PTPN9: variants seen among roughly 807,000 people sequenced by gnomAD.
The protein encoded by PTPN9 is protein tyrosine phosphatase non-receptor type 9, also known as tyrosine-protein phosphatase non-receptor type 9.
PTPN9 carries 26 observed loss-of-function variants against 69.8 expected under a neutral mutation model. That is an observed-to-expected ratio of 0.37 (90% CI 0.27 to 0.52). The LOEUF (loss-of-function observed/expected upper bound fraction) is 0.52, where lower values mean the gene tolerates loss of function less well. PTPN9 is among the 20% of genes least tolerant of loss of function. The pLI, the probability that PTPN9 is intolerant of heterozygous loss-of-function variation, is 0.91. For missense variants in PTPN9, 549 were observed against 740.3 expected (o/e 0.74, Z 3.00); for synonymous variants, 274 against 272.5 (o/e 1.01, Z -0.05).
chr15:75,478,515 C>G (rs375544235), intron 9 of PTPN9, among the ~76,000 whole-genome samples: 1 of 152,194 alleles, frequency 6.6e-6, no homozygotes, highest in African/African-American at 2.4e-5. Context: ...AAGTGATACT[C>G]CCCCCTCAGC....
At chr15:75,505,633 C>G in intron 7 of PTPN9, 42 bp downstream of exon 7, 1 of 1,498,546 alleles carries the variant, frequency 6.7e-7, no homozygotes, top group Non-Finnish European at 9.2e-7. Context: ...CTACCAGAAG[C>G]ATCCTGGTAA....
chr15:75,553,527 C>G (rs2141336312), intron 1 of PTPN9, among the ~76,000 whole-genome samples: 1 of 152,242 alleles, frequency 6.6e-6, no homozygotes, highest in South Asian at 2.1e-4. Context: ...TATATTCCCT[C>G]CACTCCATCC....
At chr15:75,504,878 A>C in intron 7 of PTPN9, among the ~76,000 whole-genome samples, 1 of 151,020 alleles carries the variant, frequency 6.6e-6, no homozygotes, top group African/African-American at 2.5e-5. Context: ...CCCGTCCGGG[A>C]GGTGAGGGGC....
intron 9 of PTPN9, among the ~76,000 whole-genome samples, chr15:75,477,150 T>TA (rs1387229474): frequency 6.6e-6 from 1 of 152,218 alleles, no homozygotes; most frequent in African/African-American, 2.4e-5. Context: ...TTCTGCCACT[T>TA]ACTAGCTGCA....
At chr15:75,541,875 TA>T (rs2075010183) in intron 1 of PTPN9, among the ~76,000 whole-genome samples, 2 of 151,180 alleles carry the variant, frequency 1.3e-5, no homozygotes. Flanking sequence ...CCGTCTCTGC[TA>T]AAAATACAAA....
At chr15:75,499,915 T>A (rs1230560942) in intron 7 of PTPN9, among the ~76,000 whole-genome samples, 1 of 152,090 alleles carries the variant, frequency 6.6e-6, no homozygotes, top group Non-Finnish European at 1.5e-5. Flanking sequence ...TAGTGGCTCA[T>A]GCCTGTAATC....
intron 1 of PTPN9, among the ~76,000 whole-genome samples, chr15:75,534,073 C>A (rs965384618): frequency 4.6e-5 from 7 of 152,146 alleles, no homozygotes; most frequent in Admixed American, 3.9e-4. Context: ...TTATAAAGAA[C>A]CAATCCATCT....
intron 1 of PTPN9, among the ~76,000 whole-genome samples, chr15:75,553,886 T>C (rs1271229374): frequency 6.6e-6 from 1 of 152,130 alleles, no homozygotes; most frequent in Non-Finnish European, 1.5e-5. Flanking sequence ...TCTTCCTGAA[T>C]GTCTCCTTGA....
intron 5 of PTPN9, among the ~76,000 whole-genome samples, chr15:75,510,037 C>T (rs957078467): frequency 1.8e-4 from 27 of 152,154 alleles, no homozygotes; most frequent in Non-Finnish European, 3.2e-4. Flanking sequence ...ATTTCTCTTT[C>T]ATAACTTTTC....
At chr15:75,530,633 T>C (rs2074954186) in intron 1 of PTPN9, among the ~76,000 whole-genome samples, 2 of 69,828 alleles carry the variant, frequency 2.9e-5, no homozygotes, top group Admixed American at 4.9e-4. Flanking sequence ...TATTATATTA[T>C]AATATACTAT....
At chr15:75,481,320 A>C (rs1204341043) in intron 8 of PTPN9, among the ~76,000 whole-genome samples, 1 of 53,692 alleles carries the variant, frequency 1.9e-5, no homozygotes, top group African/African-American at 6.9e-5. Context: ...CCGGGCAGCC[A>C]CCCCGTCCGG....
At chr15:75,574,278 C>T (rs1234221032) in intron 1 of PTPN9, among the ~76,000 whole-genome samples, 1 of 147,406 alleles carries the variant, frequency 6.8e-6, no homozygotes, top group Non-Finnish European at 1.5e-5. Context: ...AAGTGAGATC[C>T]TGTCTCCACA....
intron 1 of PTPN9, among the ~76,000 whole-genome samples, chr15:75,568,018 A>G (rs1022888482): frequency 1.3e-5 from 2 of 151,930 alleles, no homozygotes; most frequent in Non-Finnish European, 2.9e-5. Flanking sequence ...AAAGAAAACA[A>G]AAACTGAAAT....
chr15:75,557,894 T>C (rs1207724702), intron 1 of PTPN9, among the ~76,000 whole-genome samples: 2 of 152,098 alleles, frequency 1.3e-5, no homozygotes, highest in Non-Finnish European at 1.5e-5. Context: ...TAGCTTCAGG[T>C]TGACTAAGAA....
At chr15:75,503,053 A>G (rs954829288) in intron 7 of PTPN9, among the ~76,000 whole-genome samples, 1 of 151,372 alleles carries the variant, frequency 6.6e-6, no homozygotes, top group Non-Finnish European at 1.5e-5. Flanking sequence ...CTGCCCGGCC[A>G]CCACCCCGTC....
chr15:75,571,454 A>T (rs1012828072), intron 1 of PTPN9, among the ~76,000 whole-genome samples: 1 of 152,102 alleles, frequency 6.6e-6, no homozygotes, highest in Non-Finnish European at 1.5e-5. Flanking sequence ...AAAAAAAGAA[A>T]CAAAAATAAT....
intron 1 of PTPN9, among the ~76,000 whole-genome samples, chr15:75,538,782 T>C (rs565948831): frequency 2.4e-4 from 36 of 152,262 alleles, no homozygotes; most frequent in Admixed American, 8.5e-4. Flanking sequence ...ATATGACTAT[T>C]AGTAAGCAAA....
intron 1 of PTPN9, among the ~76,000 whole-genome samples, chr15:75,554,042 A>G (rs2075066624): frequency 6.9e-6 from 1 of 144,036 alleles, no homozygotes; most frequent in Non-Finnish European, 1.5e-5. Flanking sequence ...TTAAGACAGA[A>G]TCTTGCTCTG....
chr15:75,479,757 T>A (rs574491473), intron 9 of PTPN9, 91 bp downstream of exon 9: 1 of 1,129,124 alleles, frequency 8.9e-7, no homozygotes, highest in African/African-American at 1.6e-5. Context: ...CCACTCAAGT[T>A]ACCATTCGTT....
Sources: gnomAD v4.1 joint callset for allele counts (sites outside exome capture counted in the v4.1 genomes callset) on GRCh38, gnomAD v4.1.1 for gene constraint, MANE v1.5 for transcripts, NCBI Gene and HGNC (gene_info 2026-07-23, HGNC 2026-07-21) for gene names.